STAM: variants seen among roughly 807,000 people sequenced by gnomAD.
STAM encodes signal transducing adaptor molecule, also known as signal transducing adapter molecule 1.
A neutral mutation model predicts 63.4 loss-of-function variants in STAM; 16 were observed. That is an observed-to-expected ratio of 0.25 (90% confidence interval 0.17 to 0.38). The LOEUF is 0.38. STAM is among the 10% of genes least tolerant of loss of function. The probability of loss-of-function intolerance (pLI) is 1.00; values close to 1 mark genes in which losing one functional copy is unlikely to be tolerated. For synonymous variants in STAM, 238 were observed against 223.9 expected (o/e 1.06, Z -0.56); for missense variants, 636 against 657.1 (o/e 0.97, Z 0.35).
intron 12 of STAM, among the ~76,000 whole-genome samples, chr10:17,707,954 G>C (rs899181267): frequency 2.4e-4 from 36 of 151,604 alleles, no homozygotes; most frequent in Non-Finnish European, 5.0e-4. Flanking sequence ...GCAGTGGCGC[G>C]ATCTCAGCTC....
intron 5 of STAM, among the ~76,000 whole-genome samples, 171 bp from the exon 6 acceptor site, chr10:17,693,051 A>G (rs1160687217): frequency 2.6e-5 from 4 of 152,102 alleles, no homozygotes; most frequent in Non-Finnish European, 5.9e-5. Context: ...GTGTTCTCCA[A>G]TTCTGATTCA....
At chr10:17,662,001 C>G (rs1834190783) in intron 2 of STAM, among the ~76,000 whole-genome samples, 1 of 152,152 alleles carries the variant, frequency 6.6e-6, no homozygotes, top group Non-Finnish European at 1.5e-5. Flanking sequence ...ATCGCGTTCC[C>G]TTTTCTCCAT....
chr10:17,696,485 A>G (rs2272146), intron 7 of STAM: 33,146 of 291,564 alleles, frequency 0.11, 2,126 homozygotes, highest in Middle Eastern at 0.17. Flanking sequence ...CCTGTGAACC[A>G]TCTGAAGCTG....
chr10:17,671,704 A>G (rs1834646942), intron 2 of STAM, among the ~76,000 whole-genome samples: 2 of 152,330 alleles, frequency 1.3e-5, no homozygotes, highest in Non-Finnish European at 2.9e-5. Flanking sequence ...GAGGTTAACC[A>G]TGCAAACATA....
intron 13 of STAM, among the ~76,000 whole-genome samples, chr10:17,709,527 A>G (rs1836459281): frequency 6.6e-6 from 1 of 152,186 alleles, no homozygotes; most frequent in Non-Finnish European, 1.5e-5. Flanking sequence ...CCATTTACTT[A>G]CAGTGCTGTC....
At chr10:17,699,196 T>A (rs1257903593) in intron 8 of STAM, among the ~76,000 whole-genome samples, 1 of 152,224 alleles carries the variant, frequency 6.6e-6, no homozygotes, top group East Asian at 1.9e-4. Flanking sequence ...AAGTTTTTAA[T>A]CTTTCCAAAC....
intron 2 of STAM, among the ~76,000 whole-genome samples, chr10:17,684,387 A>G (rs782334099): frequency 6.6e-6 from 1 of 151,950 alleles, no homozygotes; most frequent in Non-Finnish European, 1.5e-5. Context: ...CCTGGCTGGA[A>G]GTGGAAGTCA....
chr10:17,644,304 A>G lies in STAM; in HGVS notation c.-36A>G, dbSNP rs1554820501. On this transcript the variant is annotated 5_prime_UTR_variant, in exon 1 of 14. Coordinates refer to ENST00000377524, the MANE Select transcript of STAM (RefSeq NM_003473.4). ...GAGCTCTGACTCCCGTGCTGTCGAG[A>G]GGGAGTCCCCGGGGACACCTCGGCA... 1 of 1,612,074 alleles carries G rather than the reference A, an allele frequency of 6.2e-7. No individual in the cohort carries two copies. Among genetic ancestry groups the G allele is most frequent in the East Asian group, 2.2e-5 (1 of 44,844 alleles).
intron 13 of STAM, among the ~76,000 whole-genome samples, chr10:17,710,628 T>C (rs1836513719): frequency 6.6e-6 from 1 of 152,236 alleles, no homozygotes; most frequent in South Asian, 2.1e-4. Context: ...GTGTGTGTAC[T>C]TCCGTTTCCT....
At chr10:17,670,155 A>C (rs546318505) in intron 2 of STAM, among the ~76,000 whole-genome samples, 11 of 152,310 alleles carry the variant, frequency 7.2e-5, no homozygotes, top group Admixed American at 5.2e-4. Context: ...ACAGAAGTCA[A>C]GTTGTTGACT....
rs972739645 is a variant in STAM at position 17,716,816 on chromosome 10, A to G, written c.*2036A>G. Reference sequence around the variant, plus strand: ...CCTTATAAAGGTTTAAATGATGAGTACTTTAAAACTGTTACTGTGTTAGTT... The same window carrying G: ...CCTTATAAAGGTTTAAATGATGAGTGCTTTAAAACTGTTACTGTGTTAGTT... On this transcript the variant is annotated 3_prime_UTR_variant, in exon 14 of 14. Transcript: ENST00000377524. Among the ~76,000 whole-genome samples the G allele has an allele frequency of 3.3e-5, 5 of 152,228 alleles. No homozygotes were observed. The highest frequency in any genetic ancestry group is 7.3e-5 in the Non-Finnish European group (5 of 68,036).
intron 2 of STAM, among the ~76,000 whole-genome samples, chr10:17,682,423 G>T (rs1835125179): frequency 6.6e-6 from 1 of 152,120 alleles, no homozygotes. Flanking sequence ...GAGCCTCTGT[G>T]AACATTCTTA....
Position 17,714,904 on chromosome 10 carries a change from A to T in STAM, c.*124A>T, listed in dbSNP as rs1554830667. 1 of 953,488 alleles carries T rather than the reference A, an allele frequency of 1.0e-6. No homozygotes were observed. The highest frequency in any genetic ancestry group is 2.4e-5 in the East Asian group (1 of 41,192). 59.1% of individuals were successfully genotyped at this position (953,488 alleles called of 1,614,324 possible). A position where few individuals can be genotyped will look rare whatever the true frequency, so the allele number is the denominator to read the frequency against. ...GGAATCTCTCCAGGTCAACAGGTTCAAATATTCAAGAAGGTAGAACTCTCC... is the reference window on the plus strand; with the variant it reads ...GGAATCTCTCCAGGTCAACAGGTTCTAATATTCAAGAAGGTAGAACTCTCC... On this transcript the variant is annotated 3_prime_UTR_variant, in exon 14 of 14. Transcript: ENST00000377524.
intron 2 of STAM, among the ~76,000 whole-genome samples, chr10:17,678,373 G>A (rs1834941320): frequency 6.6e-6 from 1 of 152,000 alleles, no homozygotes; most frequent in Non-Finnish European, 1.5e-5. Flanking sequence ...TCCTGCCTCA[G>A]CCTCCTGGGT....
intron 2 of STAM, among the ~76,000 whole-genome samples, chr10:17,661,243 T>C (rs151021636): frequency 1.2e-3 from 189 of 152,346 alleles, no homozygotes; most frequent in African/African-American, 4.4e-3. Flanking sequence ...GCAGTTTCAT[T>C]TACTGCTTTA....
In STAM at chr10:17,706,631, G is replaced by A. The variant is rs147259689; in HGVS notation, c.1209+890G>A. On this transcript the variant is annotated intron_variant, in intron 12 of 13. Coordinates refer to ENST00000377524, the MANE Select transcript of STAM (RefSeq NM_003473.4). ...CCTGACCTCGTGATCCACCCGCCTC[G>A]GCCTCCCAAAGTGCTGGGATTCCAG... 1.7e-3 allele frequency among the ~76,000 whole-genome samples: 257 copies of A among 151,938 alleles called. 2 individuals carry two copies. The highest frequency in any genetic ancestry group is 5.8e-3 in the African/African-American group (240 of 41,462).
chr10:17,663,599 C>A (rs904698842), intron 2 of STAM, among the ~76,000 whole-genome samples: 1 of 151,812 alleles, frequency 6.6e-6, no homozygotes, highest in Non-Finnish European at 1.5e-5. Flanking sequence ...GTTTTGACTC[C>A]TTTAATAGTT....
chr10:17,656,730 A>C (rs547526451), intron 1 of STAM, among the ~76,000 whole-genome samples: 60 of 152,316 alleles, frequency 3.9e-4, no homozygotes, highest in Admixed American at 1.2e-3. Context: ...CACCAATCTC[A>C]GTTCTTGCCT....
intron 6 of STAM, among the ~76,000 whole-genome samples, chr10:17,694,329 T>G (rs1171456754): frequency 6.6e-6 from 1 of 152,194 alleles, no homozygotes; most frequent in African/African-American, 2.4e-5. Context: ...TACCTCAAGG[T>G]CCTAAAAGAT....
Sources: gnomAD v4.1 joint callset for allele counts (sites outside exome capture counted in the v4.1 genomes callset) on GRCh38, gnomAD v4.1.1 for gene constraint, MANE v1.5 for transcripts, NCBI Gene and HGNC (gene_info 2026-07-23, HGNC 2026-07-21) for gene names.